MSN: variants seen among roughly 807,000 people sequenced by gnomAD.
The protein encoded by MSN is moesin, also known as epididymis luminal protein 70.
In MSN, 2 loss-of-function variants were observed where a neutral mutation model predicts 48.0. The ratio of observed to expected loss-of-function variants is 0.04; its 90% CI spans 0.02 to 0.13. The LOEUF is 0.13. Ranked by LOEUF, MSN falls within the 10% of genes least tolerant of loss-of-function variation. MSN has a pLI of 1.00. For missense variants in MSN, 267 were observed against 470.1 expected, an observed-to-expected ratio of 0.57 and a Z score of 3.99; for synonymous variants, 146 against 166.9, an observed-to-expected ratio of 0.87 and a Z score of 0.97.
intron 1 of MSN, among the ~76,000 whole-genome samples, chrX:65,641,428 G>C (rs2070648398): frequency 1.0e-5 from 1 of 99,827 alleles, no homozygotes; most frequent in African/African-American, 3.6e-5. Flanking sequence ...TACTCGGGAG[G>C]CTGAGGCAGG....
intron 6 of MSN, 32 bp from the exon 7 acceptor site, chrX:65,733,152 T>C: frequency 8.8e-7 from 1 of 1,141,052 alleles, no homozygotes; most frequent in African/African-American, 1.8e-5. Flanking sequence ...GTCTTGCCCT[T>C]GTCCTGATGT....
intron 1 of MSN, among the ~76,000 whole-genome samples, chrX:65,660,725 C>T (rs1482176019): frequency 9.0e-6 from 1 of 110,925 alleles, no homozygotes; most frequent in African/African-American, 3.3e-5. Context: ...TGCCACCACA[C>T]CCGGCTAATT....
intron 1 of MSN, among the ~76,000 whole-genome samples, chrX:65,615,351 T>A (rs928574147): frequency 2.8e-5 from 3 of 108,000 alleles, no homozygotes; most frequent in Admixed American, 9.7e-5. Flanking sequence ...TTTCTCCACA[T>A]CCTCTCCAAC....
At position 65,661,309 on chromosome X, in the gene MSN, G is replaced by T. The variant is rs1321939934; in HGVS notation, c.-21-55509G>T. Reference sequence around the variant, plus strand: ...TTCTTTTGATGCCTAGTTTGTTGAGGGTTTTTATCATAAAGGTTGTTGAAT... The same window carrying T: ...TTCTTTTGATGCCTAGTTTGTTGAGTGTTTTTATCATAAAGGTTGTTGAAT... On this transcript the variant is annotated intron_variant, in intron 1 of 3. Coordinates refer to the MSN transcript ENST00000609672. 3.6e-5 allele frequency among the ~76,000 whole-genome samples: 4 copies of T among 111,401 alleles called. No individual in the cohort carries two copies. The East Asian group carries it at 8.5e-4, about 24-fold the overall frequency.
chrX:65,592,833 G>A (rs1024827814), intron 1 of MSN, among the ~76,000 whole-genome samples: 5 of 110,500 alleles, frequency 4.5e-5, no homozygotes, highest in Non-Finnish European at 9.5e-5. Context: ...TTGAGCTCAG[G>A]AGTTCGAGAC....
At chrX:65,596,552 GC>G (rs1292621552) in intron 1 of MSN, among the ~76,000 whole-genome samples, 9 of 110,461 alleles carry the variant, frequency 8.1e-5, no homozygotes, top group South Asian at 3.9e-4. Context: ...CATCACATTT[GC>G]AGAGTAGTGT....
chrX:65,626,417 C>T (rs1165935797), intron 1 of MSN, among the ~76,000 whole-genome samples: 1 of 111,793 alleles, frequency 8.9e-6, no homozygotes, highest in Non-Finnish European at 1.9e-5. Flanking sequence ...ATCAGATTCT[C>T]CTCTTTCTTC....
intron 1 of MSN, among the ~76,000 whole-genome samples, chrX:65,614,693 T>C (rs1243630119): frequency 1.0e-5 from 1 of 96,266 alleles, no homozygotes; most frequent in South Asian, 4.0e-4. Context: ...TATTTATTTA[T>C]TTATTTTTTC....
chrX:65,717,680 G>A (rs755381537), intron 2 of MSN, among the ~76,000 whole-genome samples: 1 of 112,088 alleles, frequency 8.9e-6, no homozygotes, highest in Admixed American at 9.4e-5. Context: ...GCAAAAATGA[G>A]GCTCCCATTT....
chrX:65,729,288 A>C, intron 3 of MSN, 150 bp from the exon 4 acceptor site: 3 of 546,624 alleles, frequency 5.5e-6, no homozygotes, highest in Non-Finnish European at 8.6e-6. Flanking sequence ...AAAGTAATGT[A>C]TTATTTTTCT....
At chrX:65,666,421 G>T (rs2070870571), upstream of MSN, among the ~76,000 whole-genome samples, 1 of 109,829 alleles carries the variant, frequency 9.1e-6, no homozygotes, top group South Asian at 3.9e-4. Flanking sequence ...CCGCCTCCCG[G>T]GTTCAAGCGA....
chrX:65,651,016 C>T (rs762610955), intron 1 of MSN, among the ~76,000 whole-genome samples: 2 of 111,723 alleles, frequency 1.8e-5, no homozygotes, highest in Non-Finnish European at 3.8e-5. Flanking sequence ...ACTGTGCCCA[C>T]GCGGGTAATC....
intron 1 of MSN, among the ~76,000 whole-genome samples, chrX:65,643,513 C>G (rs746308923): frequency 3.6e-5 from 4 of 111,556 alleles, no homozygotes; most frequent in Non-Finnish European, 7.5e-5. Context: ...ACATTCGAAT[C>G]ACCCAGAGAG....
At position 65,595,140 on chromosome X, in the gene MSN, C is replaced by T. The variant is rs113986288; in HGVS notation, c.-22+6528C>T. 6.9e-3 allele frequency among the ~76,000 whole-genome samples: 770 copies of T among 112,123 alleles called. 8 individuals carry two copies. The highest frequency in any genetic ancestry group is 0.024 in the African/African-American group (732 of 30,896). ...ACTAAGGTCACTCCTTTTTTCTGCC[C>T]AGGCATACATTTTATCTTCTCTGAG... On this transcript the variant is annotated intron_variant, in intron 1 of 3. Transcript: ENST00000609672.
At chrX:65,661,985 G>T (rs1332520151) in intron 1 of MSN, among the ~76,000 whole-genome samples, 1 of 112,474 alleles carries the variant, frequency 8.9e-6, no homozygotes, top group African/African-American at 3.2e-5. Context: ...TTGCATTACA[G>T]CCTGTGTGAT....
intron 1 of MSN, among the ~76,000 whole-genome samples, chrX:65,632,542 CCAA>C (rs758905471): frequency 6.1e-4 from 68 of 112,138 alleles, no homozygotes; most frequent in African/African-American, 2.1e-3. Flanking sequence ...TTTTACATTC[CCAA>C]CAACAATGTA....
chrX:65,621,043 G>T (rs777816464), intron 1 of MSN, among the ~76,000 whole-genome samples: 1 of 109,457 alleles, frequency 9.1e-6, no homozygotes, highest in Non-Finnish European at 1.9e-5. Context: ...ATCCTCCTGA[G>T]TAGCTGGGAA....
At chrX:65,652,064 T>G (rs1464091774) in intron 1 of MSN, among the ~76,000 whole-genome samples, 1 of 108,605 alleles carries the variant, frequency 9.2e-6, no homozygotes, top group African/African-American at 3.3e-5. Flanking sequence ...CAGCCTCTAC[T>G]TTCATCCCCT....
At chrX:65,695,389 A>G (rs2071224200) in intron 1 of MSN, among the ~76,000 whole-genome samples, 1 of 108,313 alleles carries the variant, frequency 9.2e-6, no homozygotes, top group Non-Finnish European at 1.9e-5. Flanking sequence ...GATCCCAGCT[A>G]CTTGGGTTGC....
Sources: allele counts gnomAD v4.1 joint callset (sites outside exome capture counted in the v4.1 genomes callset), GRCh38; gene constraint gnomAD v4.1.1; transcripts MANE v1.5; gene names NCBI Gene and HGNC (gene_info 2026-07-23, HGNC 2026-07-21).